Variants in PDE1A observed in about 807,000 individuals in gnomAD.
The protein encoded by PDE1A is phosphodiesterase 1A, also known as dual specificity calcium/calmodulin-dependent 3',5'-cyclic nucleotide phosphodiesterase 1A.
Under a neutral mutation model 61.7 loss-of-function variants are expected in PDE1A, and 35 were observed. The observed-to-expected ratio is 0.57, with a 90% CI of 0.43 to 0.75. The LOEUF (loss-of-function observed/expected upper bound fraction) is 0.75, where lower values mean the gene tolerates loss of function less well. Ranked by LOEUF, PDE1A falls within the 30% of genes least tolerant of loss-of-function variation. PDE1A has a pLI of 0.00. For missense variants in PDE1A, 597 were observed against 630.6 expected, an observed-to-expected ratio of 0.95 and a Z score of 0.57; for synonymous variants, 232 against 213.2, an observed-to-expected ratio of 1.09 and a Z score of -0.77.
the PDE1A span, among the ~76,000 whole-genome samples, chr2:182,632,329 A>G: frequency 6.6e-6 from 1 of 152,204 alleles, no homozygotes; most frequent in Non-Finnish European, 1.5e-5. Flanking sequence ...AATAAAACTG[A>G]TGATGTTTTA....
exon 14 of PDE1A, chr2:182,167,978 G>C: frequency 3.3e-6 from 4 of 1,197,476 alleles, no homozygotes; most frequent in Non-Finnish European, 4.1e-6. Context: ...AAAGACAAAT[G>C]CCACAAAATG....
chr2:182,354,163 GT>G (rs897671187), intron 1 of PDE1A, among the ~76,000 whole-genome samples: 1 of 152,064 alleles, frequency 6.6e-6, no homozygotes. Flanking sequence ...AATAAATTAT[GT>G]TTTTTAGTCC....
intron 1 of PDE1A, among the ~76,000 whole-genome samples, chr2:182,401,801 T>G (rs2125451663): frequency 6.6e-6 from 1 of 152,336 alleles, no homozygotes; most frequent in African/African-American, 2.4e-5. Context: ...CAAAATCTCC[T>G]TAAGCTGATA....
At chr2:182,250,668 A>C (rs1323116639) in intron 2 of PDE1A, among the ~76,000 whole-genome samples, 1 of 152,128 alleles carries the variant, frequency 6.6e-6, no homozygotes, top group Non-Finnish European at 1.5e-5. Flanking sequence ...ACCATTGTAC[A>C]TGAGTGACTA....
the PDE1A span, among the ~76,000 whole-genome samples, chr2:182,621,193 CTTCTCATATCTTTCCACAT>C: frequency 1.6e-3 from 240 of 152,274 alleles, no homozygotes; most frequent in Non-Finnish European, 1.8e-3. Context: ...GTTCTACAAA[CTTCTCATATCTTTCCACAT>C]CTCCAGGTAA....
intron 2 of PDE1A, among the ~76,000 whole-genome samples, chr2:182,464,926 T>A (rs1370615034): frequency 6.6e-6 from 1 of 152,134 alleles, no homozygotes; most frequent in South Asian, 2.1e-4. Context: ...TGATACATGA[T>A]GAACACTCAA....
downstream of PDE1A, among the ~76,000 whole-genome samples, chr2:182,146,242 G>GCA: frequency 6.6e-6 from 1 of 152,110 alleles, no homozygotes; most frequent in Non-Finnish European, 1.5e-5. Context: ...TAATAATTTG[G>GCA]TAGACTGAAA....
chr2:182,390,038 T>C (rs1232310606), intron 1 of PDE1A, among the ~76,000 whole-genome samples: 1 of 152,188 alleles, frequency 6.6e-6, no homozygotes, highest in Non-Finnish European at 1.5e-5. Context: ...GGATTCAGAC[T>C]GGCTTTCTTG....
At chr2:182,358,683 A>G (rs1415675229) in intron 1 of PDE1A, among the ~76,000 whole-genome samples, 3 of 152,250 alleles carry the variant, frequency 2.0e-5, no homozygotes, top group African/African-American at 7.2e-5. Context: ...CATTTTTTGA[A>G]GGCTTACTAA....
At chr2:182,230,046 G>C in exon 6 of PDE1A, 1 of 1,612,838 alleles carries the variant, frequency 6.2e-7, no homozygotes, top group Non-Finnish European at 8.5e-7. Flanking sequence ...CACAGTTTGA[G>C]TGACATCAGC....
downstream of PDE1A, among the ~76,000 whole-genome samples, chr2:182,167,577 T>A (rs764506071): frequency 9.2e-5 from 14 of 152,092 alleles, no homozygotes; most frequent in Non-Finnish European, 1.3e-4. Flanking sequence ...TGTAATAGAC[T>A]CTGTGAGGCA....
chr2:182,267,885 T>C (rs1389699104), intron 1 of PDE1A, among the ~76,000 whole-genome samples: 1 of 152,100 alleles, frequency 6.6e-6, no homozygotes, highest in Non-Finnish European at 1.5e-5. Flanking sequence ...ATTGTATATA[T>C]CTGTACAATT....
chr2:182,647,277 G>A, the PDE1A span, among the ~76,000 whole-genome samples: 2 of 152,200 alleles, frequency 1.3e-5, no homozygotes, highest in Non-Finnish European at 2.9e-5. Context: ...TGCTTGCACA[G>A]ATGAGGGATC....
At chr2:182,655,183 G>A in the PDE1A span, among the ~76,000 whole-genome samples, 8 of 152,084 alleles carry the variant, frequency 5.3e-5, no homozygotes, top group South Asian at 2.1e-4. Flanking sequence ...GGCTCTCCCC[G>A]GGAACAGAGG....
chr2:182,382,258 A>G (rs1216688182), intron 1 of PDE1A, among the ~76,000 whole-genome samples: 2 of 152,234 alleles, frequency 1.3e-5, no homozygotes, highest in Non-Finnish European at 2.9e-5. Context: ...GAACAGTGAT[A>G]TAAGAAGGCA....
At chr2:182,655,837 T>C in the PDE1A span, among the ~76,000 whole-genome samples, 1 of 152,202 alleles carries the variant, frequency 6.6e-6, no homozygotes, top group Non-Finnish European at 1.5e-5. Flanking sequence ...CTGAATCTAA[T>C]TTAGGAAACC....
chr2:182,391,220 G>A (rs575351657), intron 1 of PDE1A, among the ~76,000 whole-genome samples: 12 of 152,216 alleles, frequency 7.9e-5, no homozygotes, highest in Admixed American at 3.3e-4. Context: ...GCCCATATCC[G>A]CATTTAACGT....
the PDE1A span, among the ~76,000 whole-genome samples, chr2:182,573,325 C>G: frequency 6.6e-6 from 1 of 152,116 alleles, no homozygotes; most frequent in Non-Finnish European, 1.5e-5. Flanking sequence ...GGCTTTGGGA[C>G]TAACTTCCAG....
chr2:182,445,464 G>A (rs1034006642), intron 2 of PDE1A, among the ~76,000 whole-genome samples: 3 of 152,032 alleles, frequency 2.0e-5, no homozygotes, highest in Non-Finnish European at 2.9e-5. Flanking sequence ...TAGGTTCCAC[G>A]GATGTCGGTG....
Sources: allele counts gnomAD v4.1 joint callset (sites outside exome capture counted in the v4.1 genomes callset), GRCh38; gene constraint gnomAD v4.1.1; transcripts MANE v1.5; gene names NCBI Gene and HGNC (gene_info 2026-07-23, HGNC 2026-07-21).